CSMD1: variants seen among roughly 807,000 people sequenced by gnomAD.
CSMD1 encodes the protein CUB and Sushi multiple domains 1, also known as CUB and sushi domain-containing protein 1.
Under a neutral mutation model 417.5 loss-of-function variants are expected in CSMD1, and 213 were observed. That is an observed-to-expected ratio of 0.51 (90% CI 0.46 to 0.57). The LOEUF is 0.57. Among genes scored for constraint, CSMD1 ranks in the 20% least tolerant of loss-of-function variants. The pLI, the probability that CSMD1 is intolerant of heterozygous loss-of-function variation, is 0.00. For synonymous variants in CSMD1, 2,862 were observed against 1,736.8 expected, an observed-to-expected ratio of 1.65 and a Z score of -16.11; for missense variants, 6,923 against 4,529.7, an observed-to-expected ratio of 1.53 and a Z score of -15.17.
chr8:4,068,814 T>C (rs964341657), intron 3 of CSMD1, among the ~76,000 whole-genome samples: 17 of 152,222 alleles, frequency 1.1e-4, no homozygotes, highest in African/African-American at 1.9e-4. Flanking sequence ...CATGAATTCA[T>C]GGTATCAGTG....
intron 11 of CSMD1, among the ~76,000 whole-genome samples, chr8:3,472,711 T>C (rs1397019422): frequency 6.6e-6 from 1 of 152,196 alleles, no homozygotes; most frequent in Non-Finnish European, 1.5e-5. Context: ...ATCATTTTTC[T>C]CAAGCCCATT....
intron 11 of CSMD1, among the ~76,000 whole-genome samples, chr8:3,475,751 T>A (rs748183594): frequency 6.6e-6 from 1 of 152,228 alleles, no homozygotes; most frequent in Non-Finnish European, 1.5e-5. Context: ...ATTTCAAGTA[T>A]GTGAAGCGGT....
At chr8:3,048,069 T>C (rs1010364439) in intron 50 of CSMD1, among the ~76,000 whole-genome samples, 1 of 152,156 alleles carries the variant, frequency 6.6e-6, no homozygotes, top group Non-Finnish European at 1.5e-5. Flanking sequence ...TACAATAAAA[T>C]TTCACTGAGA....
intron 3 of CSMD1, among the ~76,000 whole-genome samples, chr8:4,223,090 C>A (rs576281740): frequency 2.0e-5 from 3 of 152,200 alleles, no homozygotes; most frequent in Admixed American, 6.5e-5. Context: ...GGTTCCCTCC[C>A]GCCCTGCCCT....
chr8:4,385,858 TA>T (rs1803415019), intron 3 of CSMD1, among the ~76,000 whole-genome samples: 1 of 152,184 alleles, frequency 6.6e-6, no homozygotes, highest in African/African-American at 2.4e-5. Context: ...TCTGGATATT[TA>T]AAAATATATG....
intron 1 of CSMD1, among the ~76,000 whole-genome samples, chr8:4,909,506 A>T (rs1805519101): frequency 6.6e-6 from 1 of 152,160 alleles, no homozygotes; most frequent in African/African-American, 2.4e-5. Context: ...TTCCCTAAAG[A>T]GAAAGCCTTC....
chr8:3,227,433 G>A (rs17079664), intron 27 of CSMD1, among the ~76,000 whole-genome samples: 4 of 151,946 alleles, frequency 2.6e-5, no homozygotes, highest in Admixed American at 6.6e-5. Flanking sequence ...TTAAAAGTCC[G>A]AGAAATATGC....
intron 15 of CSMD1, among the ~76,000 whole-genome samples, chr8:3,403,023 T>G (rs1436401376): frequency 6.6e-6 from 1 of 152,190 alleles, no homozygotes; most frequent in African/African-American, 2.4e-5. Flanking sequence ...GAGTTTCTCT[T>G]TAATGTAAAA....
intron 2 of CSMD1, 135 bp downstream of exon 2, chr8:4,637,207 G>C (rs1802872663): frequency 3.1e-6 from 2 of 652,380 alleles, no homozygotes; most frequent in Non-Finnish European, 5.1e-6. Context: ...CTTCATTCTT[G>C]AAGTCAGCGA....
chr8:3,565,625 C>A (rs987636312), intron 10 of CSMD1, among the ~76,000 whole-genome samples: 3 of 152,048 alleles, frequency 2.0e-5, no homozygotes, highest in African/African-American at 7.2e-5. Flanking sequence ...TTAAAAAAAC[C>A]ATTGAATCAT....
At chr8:4,986,697 A>T (rs969698399) in intron 1 of CSMD1, among the ~76,000 whole-genome samples, 1 of 152,158 alleles carries the variant, frequency 6.6e-6, no homozygotes, top group Non-Finnish European at 1.5e-5. Flanking sequence ...AGGAGCTTGA[A>T]TCTCTGTTTT....
At chr8:4,756,649 C>T (rs1025388495) in intron 1 of CSMD1, among the ~76,000 whole-genome samples, 4 of 152,158 alleles carry the variant, frequency 2.6e-5, no homozygotes, top group Non-Finnish European at 5.9e-5. Context: ...TAACTTCGCC[C>T]TGGAGGATCA....
intron 3 of CSMD1, among the ~76,000 whole-genome samples, chr8:4,202,881 C>G (rs1056355606): frequency 6.6e-6 from 1 of 152,076 alleles, no homozygotes; most frequent in African/African-American, 2.4e-5. Context: ...TAGAGGGTGT[C>G]CTGGAGAAGG....
At chr8:4,653,335 G>C (rs944145709) in intron 1 of CSMD1, among the ~76,000 whole-genome samples, 3 of 152,112 alleles carry the variant, frequency 2.0e-5, no homozygotes, top group Non-Finnish European at 4.4e-5. Context: ...AGTTTAAGTA[G>C]ACTCAAGTAG....
chr8:4,454,827 G>A (rs546752335), intron 2 of CSMD1, among the ~76,000 whole-genome samples: 4 of 152,104 alleles, frequency 2.6e-5, no homozygotes, highest in Non-Finnish European at 4.4e-5. Context: ...ACCATAAGAA[G>A]AGCAAAGGTT....
At chr8:4,216,069 G>T (rs77843339) in intron 3 of CSMD1, among the ~76,000 whole-genome samples, 792 of 152,268 alleles carry the variant, frequency 5.2e-3, no homozygotes, top group Middle Eastern at 0.034. Context: ...GGGAAGAAAG[G>T]GAGGTCACTA....
At chr8:3,447,710 A>C (rs775655492) in intron 12 of CSMD1, among the ~76,000 whole-genome samples, 1 of 152,200 alleles carries the variant, frequency 6.6e-6, no homozygotes, top group Non-Finnish European at 1.5e-5. Context: ...GGTTTGCTTC[A>C]GCCCTGTTGC....
intron 9 of CSMD1, among the ~76,000 whole-genome samples, chr8:3,581,787 A>G (rs746546703): frequency 1.6e-4 from 24 of 152,106 alleles, no homozygotes; most frequent in Non-Finnish European, 2.4e-4. Flanking sequence ...ATTCAAAACT[A>G]TGATGCTGTC....
intron 5 of CSMD1, among the ~76,000 whole-genome samples, chr8:3,923,139 G>A (rs1277136608): frequency 6.6e-6 from 1 of 152,208 alleles, no homozygotes; most frequent in East Asian, 1.9e-4. Context: ...GAGAGCTAGG[G>A]TCCCAGACCA....
Sources: gnomAD v4.1 joint callset for allele counts (sites outside exome capture counted in the v4.1 genomes callset) on GRCh38, gnomAD v4.1.1 for gene constraint, MANE v1.5 for transcripts, NCBI Gene and HGNC (gene_info 2026-07-23, HGNC 2026-07-21) for gene names.